Variants in UGP2 observed in about 807,000 individuals in gnomAD.
UGP2 encodes UDP-glucose pyrophosphorylase 2.
A neutral mutation model predicts 49.0 loss-of-function variants in UGP2; 40 were observed. The ratio of observed to expected loss-of-function variants is 0.82; its 90% CI spans 0.63 to 1.06. UGP2 has a LOEUF of 1.06. Among genes scored for constraint, UGP2 ranks in the 50% least tolerant of loss-of-function variants. The pLI, the probability that UGP2 is intolerant of heterozygous loss-of-function variation, is 0.00. For missense variants in UGP2, 460 were observed against 603.5 expected, an observed-to-expected ratio of 0.76 and a Z score of 2.49; for synonymous variants, 225 against 213.0, an observed-to-expected ratio of 1.06 and a Z score of -0.49.
Position 63,891,427 on chromosome 2 carries a change from C to T in UGP2, c.*200C>T, listed in dbSNP as rs1672153973. 2.5e-6 allele frequency: 1 copy of T among 394,978 alleles called. No homozygotes were observed. The highest frequency in any genetic ancestry group is 4.5e-6 in the Non-Finnish European group (1 of 224,506). 24.5% of individuals were successfully genotyped at this position (394,978 alleles called of 1,614,324 possible). ...TACTTTCCTTCTTTGAAGAGAATCCCAAAAGTTAGTTCATCTTAAAGTGCA... is the reference window on the plus strand; with the variant it reads ...TACTTTCCTTCTTTGAAGAGAATCCTAAAAGTTAGTTCATCTTAAAGTGCA... On this transcript the variant is annotated 3_prime_UTR_variant, in exon 10 of 10. Transcript: ENST00000337130.
At chr2:63,846,569 A>G (rs1007738494) in intron 1 of UGP2, among the ~76,000 whole-genome samples, 3 of 152,232 alleles carry the variant, frequency 2.0e-5, no homozygotes, top group African/African-American at 7.2e-5. Context: ...TGTCACTTAA[A>G]AAATGCTTGA....
chr2:63,861,154 G>A (rs1669811757), intron 3 of UGP2, among the ~76,000 whole-genome samples: 1 of 151,784 alleles, frequency 6.6e-6, no homozygotes, highest in South Asian at 2.1e-4. Flanking sequence ...AACTACATAA[G>A]TAAAAAAATT....
At chr2:63,883,670 G>A (rs921085431) in intron 4 of UGP2, among the ~76,000 whole-genome samples, 7 of 152,162 alleles carry the variant, frequency 4.6e-5, no homozygotes, top group African/African-American at 1.7e-4. Flanking sequence ...TGGGGGTCCT[G>A]CCTCTGCCAT....
chr2:63,881,766 C>G (rs570731931), intron 3 of UGP2, among the ~76,000 whole-genome samples: 11 of 152,338 alleles, frequency 7.2e-5, no homozygotes, highest in African/African-American at 2.4e-4. Context: ...GGATTTTCTT[C>G]AGCCCCACCT....
intron 3 of UGP2, chr2:63,863,008 C>CT: frequency 5.6e-6 from 2 of 358,276 alleles, no homozygotes; most frequent in South Asian, 4.4e-5. Flanking sequence ...TCTAATCATA[C>CT]TAAAGTGGAG....
chr2:63,888,749 A>G (rs943325737), intron 8 of UGP2: 1 of 152,296 alleles, frequency 6.6e-6, no homozygotes, highest in African/African-American at 2.4e-5. Flanking sequence ...AGAACGTGCA[A>G]ACTCCACACA....
intron 3 of UGP2, among the ~76,000 whole-genome samples, chr2:63,867,826 G>A (rs1348343651): frequency 6.6e-6 from 1 of 152,076 alleles, no homozygotes; most frequent in African/African-American, 2.4e-5. Flanking sequence ...TGTGTTGTTA[G>A]TCTGCAGTTT....
At chr2:63,863,226 A>ATCT (rs1669967427) in intron 3 of UGP2, among the ~76,000 whole-genome samples, 2 of 152,296 alleles carry the variant, frequency 1.3e-5, no homozygotes, top group South Asian at 4.1e-4. Flanking sequence ...ACTTCTTAAA[A>ATCT]TTTCTATAAA....
chr2:63,886,225 T>C (rs913223833), intron 6 of UGP2, 116 bp from the exon 7 acceptor site: 10 of 1,048,098 alleles, frequency 9.5e-6, no homozygotes, highest in Non-Finnish European at 1.1e-5. Flanking sequence ...TATGAAAATT[T>C]ACTCTGTTTC....
At chr2:63,875,359 C>T (rs911155889) in intron 3 of UGP2, among the ~76,000 whole-genome samples, 20 of 152,150 alleles carry the variant, frequency 1.3e-4, no homozygotes, top group African/African-American at 4.8e-4. Flanking sequence ...GTACTGTTAG[C>T]TTGCTTTGGG....
rs116017671 is a variant in UGP2, at chr2:63,889,699, C to T, written c.1315-382C>T. The T allele has an allele frequency of 2.7e-3, 422 of 158,860 alleles. 1 individual carries two copies. Among genetic ancestry groups the T allele is most frequent in the Middle Eastern group, 9.5e-3 (3 of 316 alleles). The allele number at this position is 158,860 out of a possible 1,614,324, so 9.8% of individuals were successfully genotyped here. ...AAATGTGCTCTAATTTTTCAGAATCCGACCTATCCACTAAAGTCCAGCTCC... is the reference window on the plus strand; with the variant it reads ...AAATGTGCTCTAATTTTTCAGAATCTGACCTATCCACTAAAGTCCAGCTCC... On this transcript the variant is annotated intron_variant, in intron 8 of 9. Coordinates refer to ENST00000337130, the MANE Select transcript of UGP2 (RefSeq NM_006759.4).
Position 63,856,421 on chromosome 2 carries a change from A to C in UGP2, c.135A>C (p.Ser45=), listed in dbSNP as rs1248498489. ...AAAAAATACTCACCACAGCATCATC[A>C]CATGAATTTGAGGTAAGGAGGTTTC... ...ELEKILTTAS[S]HEFEHTKKDL... is the part of the protein sequence containing the mutation. The change falls in exon 2 of 10, where the codon TCA becomes TCC. Residue 45 remains serine (S), a synonymous_variant. Coordinates refer to ENST00000337130, the MANE Select transcript of UGP2 (RefSeq NM_006759.4). The C allele has an allele frequency of 9.9e-6, 16 of 1,612,162 alleles. No homozygotes were observed. The highest frequency in any genetic ancestry group is 1.6e-4 in the Middle Eastern group (1 of 6,062).
chr2:63,878,032 A>C (rs904734350), intron 3 of UGP2, among the ~76,000 whole-genome samples: 1 of 140,342 alleles, frequency 7.1e-6, no homozygotes, highest in Non-Finnish European at 1.5e-5. Flanking sequence ...AAAAAAAAGA[A>C]GTCTGCATGC....
chr2:63,887,786 A>T, intron 8 of UGP2, 142 bp downstream of exon 8: 1 of 1,073,506 alleles, frequency 9.3e-7, no homozygotes, highest in Admixed American at 2.6e-5. Context: ...TTTTAAAGGG[A>T]ATTGACCATA....
At chr2:63,855,434 G>A (rs769296297) in intron 1 of UGP2, 2 of 478,370 alleles carry the variant, frequency 4.2e-6, no homozygotes, top group Non-Finnish European at 8.4e-6. Context: ...AAGTAAATAA[G>A]ATGATTACTT....
intron 1 of UGP2, 121 bp downstream of exon 1, chr2:63,842,325 CT>C: frequency 6.2e-7 from 1 of 1,606,042 alleles, no homozygotes; most frequent in Non-Finnish European, 8.5e-7. Context: ...TTGCGAAACC[CT>C]TTTCGTTGAA....
intron 3 of UGP2, among the ~76,000 whole-genome samples, chr2:63,881,063 C>G (rs1671274096): frequency 6.6e-6 from 1 of 152,114 alleles, no homozygotes; most frequent in Non-Finnish European, 1.5e-5. Context: ...AGTAGAGAGC[C>G]TTGGAGAAGA....
intron 6 of UGP2, 54 bp downstream of exon 6, chr2:63,885,940 T>C: frequency 6.7e-7 from 1 of 1,490,482 alleles, no homozygotes; most frequent in African/African-American, 1.4e-5. Context: ...TTTCGTAAGT[T>C]ATGAAGTTAA....
At chr2:63,859,883 C>T (rs773710011) in intron 3 of UGP2, among the ~76,000 whole-genome samples, 1 of 152,152 alleles carries the variant, frequency 6.6e-6, no homozygotes, top group Non-Finnish European at 1.5e-5. Context: ...TCTTCAACTA[C>T]GTCATGAGTT....
Sources: gnomAD v4.1 joint callset for allele counts (sites outside exome capture counted in the v4.1 genomes callset) on GRCh38, gnomAD v4.1.1 for gene constraint, MANE v1.5 for transcripts, NCBI Gene and HGNC (gene_info 2026-07-23, HGNC 2026-07-21) for gene names.